KIAA1328: variants seen among roughly 807,000 people sequenced by gnomAD.
KIAA1328 encodes the protein KIAA1328, also known as protein hinderin.
A neutral mutation model predicts 68.1 loss-of-function variants in KIAA1328; 52 were observed. The observed-to-expected ratio is 0.76, with a 90% confidence interval of 0.61 to 0.96. KIAA1328 has a LOEUF of 0.96. KIAA1328 is among the 40% of genes least tolerant of loss of function. The pLI, the probability that KIAA1328 is intolerant of heterozygous loss-of-function variation, is 0.00. For synonymous variants in KIAA1328, 232 were observed against 239.4 expected, an observed-to-expected ratio of 0.97 and a Z score of 0.28; for missense variants, 641 against 677.6, an observed-to-expected ratio of 0.95 and a Z score of 0.60.
At chr18:37,159,523 A>G (rs947553819) in intron 7 of KIAA1328, among the ~76,000 whole-genome samples, 4 of 152,234 alleles carry the variant, frequency 2.6e-5, no homozygotes, top group African/African-American at 9.6e-5. Flanking sequence ...AGTGAGAGAT[A>G]ACACATCATT....
intron 6 of KIAA1328, among the ~76,000 whole-genome samples, chr18:37,027,041 C>T (rs544986198): frequency 6.6e-6 from 1 of 152,108 alleles, no homozygotes; most frequent in Admixed American, 6.6e-5. Flanking sequence ...GATACAAAAT[C>T]AATGTGCAAA....
chr18:37,040,045 C>A (rs2055185894), intron 6 of KIAA1328, among the ~76,000 whole-genome samples: 1 of 152,182 alleles, frequency 6.6e-6, no homozygotes, highest in African/African-American at 2.4e-5. Context: ...TGGCCCCCAC[C>A]ATCAAGCCAG....
chr18:36,887,839 C>CA lies in KIAA1328; in HGVS notation c.448+2174dup, dbSNP rs142751910. On this transcript the variant is annotated intron_variant, in intron 5 of 9. Coordinates refer to ENST00000280020, the MANE Select transcript of KIAA1328 (RefSeq NM_020776.3). Reference sequence around the variant, plus strand: ...TGGTGATGCTTTAACCTTCCTGGGACAAAAAAATCTATAGCATACAGTGGA... The same window carrying CA: ...TGGTGATGCTTTAACCTTCCTGGGACAAAAAAAATCTATAGCATACAGTGGA... 7.6e-3 allele frequency among the ~76,000 whole-genome samples: 1,149 copies of CA among 151,906 alleles called. 31 individuals carry two copies. The highest frequency in any genetic ancestry group is 0.07 in the East Asian group (360 of 5,158).
intron 6 of KIAA1328, among the ~76,000 whole-genome samples, chr18:36,998,945 C>T (rs772797897): frequency 6.6e-6 from 1 of 152,068 alleles, no homozygotes; most frequent in African/African-American, 2.4e-5. Flanking sequence ...AAGAAGTTAT[C>T]AAAATCCCAG....
rs185764860 is a variant in KIAA1328, at chr18:37,000,085, A to T, written c.576+40650A>T. ...ATATTTAAATGGATAAAAAAAAATG[A>T]TCCAACCATATGCTGCATACAAGAA... On this transcript the variant is annotated intron_variant, in intron 6 of 9. Transcript: ENST00000280020. Among the ~76,000 whole-genome samples, 19 of 152,244 alleles carry T rather than the reference A, an allele frequency of 1.2e-4. No homozygotes were observed. The South Asian group carries it at 3.5e-3, about 28-fold the overall frequency.
intron 5 of KIAA1328, among the ~76,000 whole-genome samples, chr18:36,949,227 CAT>C (rs1486527227): frequency 2.6e-5 from 4 of 152,092 alleles, no homozygotes; most frequent in Non-Finnish European, 5.9e-5. Context: ...CCAGCTGAAA[CAT>C]AGAACTTTTA....
At chr18:37,042,391 T>G (rs1467647369) in intron 6 of KIAA1328, among the ~76,000 whole-genome samples, 3 of 152,222 alleles carry the variant, frequency 2.0e-5, no homozygotes, top group Admixed American at 2.0e-4. Flanking sequence ...GCATTTCTTA[T>G]AAAGGCAGCT....
intron 6 of KIAA1328, among the ~76,000 whole-genome samples, chr18:36,973,251 A>G (rs1004119370): frequency 2.0e-5 from 3 of 151,584 alleles, no homozygotes; most frequent in Non-Finnish European, 2.9e-5. Flanking sequence ...GCATGTTCTC[A>G]CTCATAGGTG....
intron 7 of KIAA1328, chr18:37,074,948 C>T (rs2056665480): frequency 6.6e-6 from 1 of 152,012 alleles, no homozygotes; most frequent in Non-Finnish European, 1.5e-5. Flanking sequence ...TCTAGCAAGG[C>T]AGGCCAACAT....
At chr18:37,095,867 A>G (rs750798315) in intron 7 of KIAA1328, among the ~76,000 whole-genome samples, 6 of 152,206 alleles carry the variant, frequency 3.9e-5, no homozygotes, top group Non-Finnish European at 7.3e-5. Flanking sequence ...GAAAAACTGT[A>G]TTCTAACAAA....
chr18:36,833,003 A>AT (rs891641138), intron 1 of KIAA1328: 382 of 145,748 alleles, frequency 2.6e-3, no homozygotes, highest in African/African-American at 8.2e-3. Context: ...TGCCCGGCTA[A>AT]TTTTTTTTTT....
rs190772535 is a variant in KIAA1328 at position 37,006,597 on chromosome 18, A to T, written c.576+47162A>T. ...ATGTGCAGGTTTGTTACATATGTAT[A>T]CGTGTGCCATGTTGGTGTGCTGCAC... On this transcript the variant is annotated intron_variant, in intron 6 of 9. Coordinates refer to ENST00000280020, the MANE Select transcript of KIAA1328 (RefSeq NM_020776.3). Among the ~76,000 whole-genome samples, 1,054 of 152,102 alleles carry T rather than the reference A, an allele frequency of 6.9e-3. 5 individuals carry two copies. Among genetic ancestry groups the T allele is most frequent in the Non-Finnish European group, 9.3e-3 (634 of 67,992 alleles).
chr18:37,086,896 C>T (rs976083202), intron 7 of KIAA1328, among the ~76,000 whole-genome samples: 1 of 152,138 alleles, frequency 6.6e-6, no homozygotes, highest in Non-Finnish European at 1.5e-5. Flanking sequence ...CACCTTTTTC[C>T]ATTCATGCAG....
chr18:36,946,505 A>G lies in KIAA1328; in HGVS notation c.449-12803A>G, dbSNP rs1158958057. The G allele has an allele frequency of 3.3e-5, 5 of 152,190 alleles. No individual in the cohort carries two copies. The East Asian group carries it at 9.6e-4, about 29-fold the overall frequency. The allele number at this position is 152,190 out of a possible 1,614,324, so 9.4% of individuals were successfully genotyped here. On this transcript the variant is annotated intron_variant, in intron 5 of 9. Coordinates refer to ENST00000280020, the MANE Select transcript of KIAA1328 (RefSeq NM_020776.3). ...CTACTGGATCAGAATTTGCTTTCCA[A>G]CAAGACCCACAGGTAATTCTTTTGT...
chr18:37,150,525 A>G (rs2059005069), intron 7 of KIAA1328, among the ~76,000 whole-genome samples: 1 of 152,094 alleles, frequency 6.6e-6, no homozygotes, highest in South Asian at 2.1e-4. Flanking sequence ...AGAAAAGAAA[A>G]TGACAGGCCG....
chr18:36,937,335 G>A (rs2050540111), intron 5 of KIAA1328, among the ~76,000 whole-genome samples: 1 of 152,160 alleles, frequency 6.6e-6, no homozygotes, highest in Admixed American at 6.5e-5. Context: ...AAAAGCAATT[G>A]CAACAAAAGC....
intron 6 of KIAA1328, among the ~76,000 whole-genome samples, chr18:36,990,485 G>T (rs1297035196): frequency 6.6e-6 from 1 of 151,892 alleles, no homozygotes; most frequent in Admixed American, 6.6e-5. Flanking sequence ...CACCAGCCTG[G>T]TCAACATGGT....
chr18:37,194,478 T>A (rs1249850235), intron 9 of KIAA1328, among the ~76,000 whole-genome samples: 1 of 152,224 alleles, frequency 6.6e-6, no homozygotes, highest in Non-Finnish European at 1.5e-5. Context: ...TTTTGTAATA[T>A]GTCAAAATGT....
At chr18:36,946,480 C>T (rs1230640616) in intron 5 of KIAA1328, 1 of 152,184 alleles carries the variant, frequency 6.6e-6, no homozygotes, top group Non-Finnish European at 1.5e-5. Context: ...TACCTCAGAT[C>T]TACTGGATCA....
Sources: gnomAD v4.1 joint callset for allele counts (sites outside exome capture counted in the v4.1 genomes callset) on GRCh38, gnomAD v4.1.1 for gene constraint, MANE v1.5 for transcripts, NCBI Gene and HGNC (gene_info 2026-07-23, HGNC 2026-07-21) for gene names.